Variants in NDST3 observed in about 807,000 individuals in gnomAD.
NDST3 encodes N-deacetylase and N-sulfotransferase 3.
A neutral mutation model predicts 96.1 loss-of-function variants in NDST3; 58 were observed. That is an observed-to-expected ratio of 0.60 (90% CI 0.49 to 0.75). The LOEUF (loss-of-function observed/expected upper bound fraction) is 0.75, where lower values mean the gene tolerates loss of function less well. Among genes scored for constraint, NDST3 ranks in the 30% least tolerant of loss-of-function variants. The probability of loss-of-function intolerance (pLI) is 0.00; values close to 1 mark genes in which losing one functional copy is unlikely to be tolerated. For synonymous variants in NDST3, 333 were observed against 359.7 expected, an observed-to-expected ratio of 0.93 and a Z score of 0.84; for missense variants, 788 against 1,034.2, an observed-to-expected ratio of 0.76 and a Z score of 3.27.
chr4:118,117,779 G>T (rs894817788), intron 4 of NDST3, among the ~76,000 whole-genome samples: 1 of 152,114 alleles, frequency 6.6e-6, no homozygotes, highest in African/African-American at 2.4e-5. Context: ...TTCTAATGTG[G>T]CATAAAGTGT....
intron 6 of NDST3, among the ~76,000 whole-genome samples, chr4:118,220,434 A>C (rs1739463775): frequency 6.6e-6 from 1 of 151,742 alleles, no homozygotes; most frequent in Admixed American, 6.6e-5. Flanking sequence ...GGGGAACAAC[A>C]CACTGAGGCC....
At chr4:118,062,339 T>A (rs1379482908) in intron 2 of NDST3, among the ~76,000 whole-genome samples, 1 of 152,110 alleles carries the variant, frequency 6.6e-6, no homozygotes, top group East Asian at 1.9e-4. Flanking sequence ...GGAAGATTGG[T>A]CCTCCCTGGA....
rs1298201067 is a variant in NDST3 at position 118,153,439 on chromosome 4, AT to A, written c.1539+9756del. 1.1e-3 allele frequency among the ~76,000 whole-genome samples: 167 copies of A among 152,364 alleles called. 1 individual carries two copies. The highest frequency in any genetic ancestry group is 1.7e-3 in the Non-Finnish European group (115 of 68,036). ...GAGCAGCGGAGTGGCCAGTAGCAAA[AT>A]AAATTATGTTCACCCTTATGTAATA... On this transcript the variant is annotated intron_variant, in intron 6 of 13. Transcript: ENST00000296499.
intron 13 of NDST3, among the ~76,000 whole-genome samples, chr4:118,254,057 A>G (rs1741947371): frequency 6.6e-6 from 1 of 152,098 alleles, no homozygotes; most frequent in Non-Finnish European, 1.5e-5. Context: ...CCTGGCCAAC[A>G]TGATAAAACC....
rs768400478 is a variant in NDST3, at chr4:118,114,799, C to CT, written c.1070-7_1070-6insT. On this transcript the variant is annotated splice_polypyrimidine_tract_variant and splice_region_variant and intron_variant, in intron 3 of 13. Transcript: ENST00000296499. ...GAATTAATTGGATAATATTTCCCCCCCTAAAGGAACTGAAGAGGAAGATGA... is the reference window on the plus strand; with the variant it reads ...GAATTAATTGGATAATATTTCCCCCCTCTAAAGGAACTGAAGAGGAAGATGA... 13 of 1,613,038 alleles carry CT rather than the reference C, an allele frequency of 8.1e-6. No individual in the cohort carries two copies. The East Asian group carries it at 1.8e-4, about 22-fold the overall frequency.
intron 3 of NDST3, among the ~76,000 whole-genome samples, chr4:118,113,831 G>A (rs193293381): frequency 1.1e-3 from 170 of 152,290 alleles, no homozygotes; most frequent in African/African-American, 4.0e-3. Context: ...AAATTCAAGT[G>A]TGGCTGCATA....
intron 12 of NDST3, among the ~76,000 whole-genome samples, chr4:118,253,008 A>C (rs1439523099): frequency 6.6e-6 from 1 of 152,218 alleles, no homozygotes; most frequent in Admixed American, 6.5e-5. Context: ...ATAGCTAGAG[A>C]ATCCTAAAAG....
At chr4:118,155,581 T>C (rs1025913834) in intron 6 of NDST3, among the ~76,000 whole-genome samples, 41 of 152,356 alleles carry the variant, frequency 2.7e-4, no homozygotes, top group Non-Finnish European at 4.3e-4. Flanking sequence ...TTTATTTCAA[T>C]GTTTAATATT....
intron 6 of NDST3, chr4:118,194,606 C>G: frequency 1.4e-6 from 1 of 724,018 alleles, no homozygotes; most frequent in Admixed American, 1.8e-5. Flanking sequence ...GATTCAGTCC[C>G]CAATCATGGG....
At chr4:118,134,251 G>A (rs10440401) in intron 4 of NDST3, among the ~76,000 whole-genome samples, 60 of 152,254 alleles carry the variant, frequency 3.9e-4, no homozygotes, top group African/African-American at 1.4e-3. Context: ...AAGGATGGAG[G>A]GTGGCACAAG....
Position 118,149,396 on chromosome 4 carries a change from G to A in NDST3, c.1539+5712G>A, listed in dbSNP as rs1213192860. On this transcript the variant is annotated intron_variant, in intron 6 of 13. Transcript: ENST00000296499. ...TTCTTCCTACCCAAGAGCATGGAAT[G>A]TTCTTCCATTTGTTTGTATCCTCTT... Among the ~76,000 whole-genome samples the A allele has an allele frequency of 2.6e-5, 4 of 151,766 alleles. No individual in the cohort carries two copies. In the East Asian group the frequency reaches 7.8e-4, roughly 29 times the overall value.
At chr4:118,130,255 C>T (rs76893803) in intron 4 of NDST3, among the ~76,000 whole-genome samples, 17,401 of 151,886 alleles carry the variant, frequency 0.11, 1,317 homozygotes, top group South Asian at 0.2. Flanking sequence ...GTTTTGGGGT[C>T]GTCTCTCTTT....
chr4:118,243,703 T>C (rs1399688288), intron 12 of NDST3, among the ~76,000 whole-genome samples: 5 of 152,228 alleles, frequency 3.3e-5, no homozygotes, highest in Admixed American at 6.5e-5. Flanking sequence ...GGGTCTTTTT[T>C]ATAGAGTATG....
intron 6 of NDST3, among the ~76,000 whole-genome samples, chr4:118,198,413 G>A (rs963660401): frequency 1.3e-5 from 2 of 152,094 alleles, no homozygotes; most frequent in Non-Finnish European, 2.9e-5. Flanking sequence ...AACACTGTTT[G>A]CATAAACAAA....
At chr4:118,141,350 A>C (rs1055547243) in intron 5 of NDST3, among the ~76,000 whole-genome samples, 2 of 152,108 alleles carry the variant, frequency 1.3e-5, no homozygotes, top group Non-Finnish European at 2.9e-5. Context: ...GTGCCACTGC[A>C]TTTATGGAGC....
chr4:118,188,953 T>C (rs745622960), intron 6 of NDST3, among the ~76,000 whole-genome samples: 7 of 152,178 alleles, frequency 4.6e-5, no homozygotes, highest in Non-Finnish European at 7.4e-5. Flanking sequence ...ATAAAATAAC[T>C]TCACATAATA....
chr4:118,252,482 A>G, intron 12 of NDST3, among the ~76,000 whole-genome samples: 1 of 152,218 alleles, frequency 6.6e-6, no homozygotes, highest in East Asian at 1.9e-4. Context: ...CCTTCACAGC[A>G]TATCCTTAAG....
rs1376887752 is a variant in NDST3, at chr4:118,053,842, GGAACACC to G, written c.-68_-62del. The G allele has an allele frequency of 3.3e-6, 5 of 1,496,624 alleles. No individual in the cohort carries two copies. Among genetic ancestry groups the G allele is most frequent in the Non-Finnish European group, 4.5e-6 (5 of 1,121,472 alleles). 92.7% of individuals were successfully genotyped at this position (1,496,624 alleles called of 1,614,324 possible). A position where few individuals can be genotyped will look rare whatever the true frequency, so the allele number is the denominator to read the frequency against. ...CTTGACAGAGATTGGAAAAGTAGCT[GGAACACC>G]ATCTTTTCTTTTAACTTTTTATGGT... On this transcript the variant is annotated 5_prime_UTR_variant, in exon 2 of 14. Coordinates refer to ENST00000296499, the MANE Select transcript of NDST3 (RefSeq NM_004784.3).
chr4:118,117,204 C>T (rs528440051), intron 4 of NDST3, among the ~76,000 whole-genome samples: 8 of 152,246 alleles, frequency 5.3e-5, no homozygotes, highest in African/African-American at 1.7e-4. Flanking sequence ...TGAAAAAAGA[C>T]TGAATCCAGA....
Sources: gnomAD v4.1 joint callset for allele counts (sites outside exome capture counted in the v4.1 genomes callset) on GRCh38, gnomAD v4.1.1 for gene constraint, MANE v1.5 for transcripts, NCBI Gene and HGNC (gene_info 2026-07-23, HGNC 2026-07-21) for gene names.